Variants in PXK observed in about 807,000 individuals in gnomAD.
PXK encodes the protein PX domain containing serine/threonine kinase like.
PXK carries 35 observed loss-of-function variants against 84.7 expected under a neutral mutation model. The observed-to-expected ratio is 0.41, with a 90% CI of 0.32 to 0.55. PXK has a LOEUF of 0.55. Among genes scored for constraint, PXK ranks in the 20% least tolerant of loss-of-function variants. The pLI is 0.21. For synonymous variants in PXK, 253 were observed against 260.8 expected (o/e 0.97, Z 0.29); for missense variants, 634 against 699.7 (o/e 0.91, Z 1.06).
intron 1 of PXK, among the ~76,000 whole-genome samples, chr3:58,340,118 GA>G (rs1297969218): frequency 7.6e-6 from 1 of 131,216 alleles, no homozygotes; most frequent in Non-Finnish European, 1.6e-5. Context: ...GCGCCTGGCC[GA>G]TTTTTTTTTT....
intron 16 of PXK, 87 bp downstream of exon 16, chr3:58,410,246 T>C: frequency 1.0e-6 from 1 of 988,296 alleles, no homozygotes; most frequent in Non-Finnish European, 1.6e-6. Context: ...TGAGTTCTGC[T>C]GGCCAGAAAC....
intron 1 of PXK, among the ~76,000 whole-genome samples, chr3:58,337,074 C>CGCAG (rs1559834436): frequency 6.6e-6 from 1 of 151,614 alleles, no homozygotes; most frequent in East Asian, 1.9e-4. Context: ...GCTCCTAAGG[C>CGCAG]GCAGGGATTA....
Position 58,351,515 on chromosome 3 carries a change from C to A in PXK, c.103-14359C>A, listed in dbSNP as rs138357822. Reference sequence around the variant, plus strand: ...GGCTCATGCAATCCACCTGCCTCATCCTCCCAAAGTGCTGAGATTACAGGT... The same window carrying A: ...GGCTCATGCAATCCACCTGCCTCATACTCCCAAAGTGCTGAGATTACAGGT... On this transcript the variant is annotated intron_variant, in intron 1 of 17. Coordinates refer to ENST00000356151, the MANE Select transcript of PXK (RefSeq NM_017771.5). Among the ~76,000 whole-genome samples, 8 of 152,050 alleles carry A rather than the reference C, an allele frequency of 5.3e-5. No homozygotes were observed. The East Asian group carries it at 1.6e-3, about 29-fold the overall frequency.
chr3:58,383,450 T>G lies in PXK; in HGVS notation c.388+750T>G, dbSNP rs1047551328. ...TACAATATGTTGTGTGTTCTGTTTT[T>G]TCTGGGAATTTACTTTAAACACAGC... On this transcript the variant is annotated intron_variant, in intron 4 of 17. Transcript: ENST00000356151. The surrounding 1 kb of genome is among the most constrained non-coding windows in gnomAD (Gnocchi z 4.0). Among the ~76,000 whole-genome samples, 3 of 152,208 alleles carry G rather than the reference T, an allele frequency of 2.0e-5. No homozygotes were observed. Among genetic ancestry groups the G allele is most frequent in the Non-Finnish European group, 2.9e-5 (2 of 68,030 alleles).
intron 3 of PXK, among the ~76,000 whole-genome samples, chr3:58,381,228 G>A (rs1379543282): frequency 7.3e-6 from 1 of 137,514 alleles, no homozygotes; most frequent in Non-Finnish European, 1.5e-5. Context: ...CAGCCTAGGC[G>A]ATAGTGCGAG....
rs1560073557 is a variant in PXK, at chr3:58,399,350, C to T, written c.1154C>T (p.Pro385Leu). The change falls in exon 12 of 18, where the codon CCT becomes CTT. Residue 385 changes from proline (P) to leucine (L), a missense_variant. Around this residue, in one of 3 missense-constraint regions of PXK, gnomAD observed 273 missense variants for 283.6 expected, o/e 0.96. Coordinates refer to ENST00000356151, the MANE Select transcript of PXK (RefSeq NM_017771.5). This position sits in a 1 kb window ranked among gnomAD's most constrained non-coding sequence, Gnocchi z 4.3. ...LSCEACKNGM[P>L]TISRLLQMPL... ...TGTGAAGCCTGTAAAAATGGCATGC[C>T]TACCATCTCCCGGCTCTTACAGATG... 4.3e-6 allele frequency: 7 copies of T among 1,614,066 alleles called. No individual in the cohort carries two copies. The highest frequency in any genetic ancestry group is 5.9e-6 in the Non-Finnish European group (7 of 1,179,912).
chr3:58,375,673 T>C (rs1000528306), intron 3 of PXK, among the ~76,000 whole-genome samples: 4 of 152,222 alleles, frequency 2.6e-5, no homozygotes, highest in Admixed American at 6.5e-5. Flanking sequence ...ATCCCAAAGA[T>C]GTACAGGTTA....
At chr3:58,366,031 A>T in intron 2 of PXK, 107 bp downstream of exon 2, 1 of 877,406 alleles carries the variant, frequency 1.1e-6, no homozygotes, top group Non-Finnish European at 1.7e-6. Context: ...AACATGCATA[A>T]ATATAAATCA....
chr3:58,390,496 G>A lies in PXK; in HGVS notation c.389-86G>A, dbSNP rs554139431. On this transcript the variant is annotated intron_variant, in intron 4 of 17. Coordinates refer to ENST00000356151, the MANE Select transcript of PXK (RefSeq NM_017771.5). The surrounding 1 kb of genome is among the most constrained non-coding windows in gnomAD (Gnocchi z 4.2). ...TTTTTTAAAAAGGTCATAGACTATA[G>A]GGATTTCATTTACAAGAATAATATC... 2.3e-5 allele frequency: 21 copies of A among 928,646 alleles called. No homozygotes were observed. In the African/African-American group the frequency reaches 3.1e-4, roughly 14 times the overall value. The allele number at this position is 928,646 out of a possible 1,614,324, so 57.5% of individuals were successfully genotyped here. A position where few individuals can be genotyped will look rare whatever the true frequency, so the allele number is the denominator to read the frequency against.
chr3:58,423,453 A>C (rs1002533307), intron 17 of PXK: 4 of 1,528,988 alleles, frequency 2.6e-6, no homozygotes, highest in South Asian at 2.4e-5. Context: ...GTGATTCTTT[A>C]ATTTCAGCTG....
rs761704352 is a variant in PXK, at chr3:58,424,741, T to G, written c.1529-11T>G. On this transcript the variant is annotated splice_polypyrimidine_tract_variant and intron_variant, in intron 17 of 17. Transcript: ENST00000356151. Reference sequence around the variant, plus strand: ...GAGGTGAATACTGATTGTCCCCCTTTTCCTCCACAGGGATATCTGCATTAC... The same window carrying G: ...GAGGTGAATACTGATTGTCCCCCTTGTCCTCCACAGGGATATCTGCATTAC... 8 of 1,612,224 alleles carry G rather than the reference T, an allele frequency of 5.0e-6. No homozygotes were observed. Among genetic ancestry groups the G allele is most frequent in the Non-Finnish European group, 6.8e-6 (8 of 1,179,636 alleles).
chr3:58,373,326 T>C (rs914064525), intron 3 of PXK, among the ~76,000 whole-genome samples: 7 of 152,030 alleles, frequency 4.6e-5, no homozygotes, highest in Non-Finnish European at 7.4e-5. Context: ...CCGCCCACCT[T>C]GGCCTCCCAA....
intron 17 of PXK, among the ~76,000 whole-genome samples, chr3:58,418,561 T>C (rs995631026): frequency 1.3e-5 from 2 of 152,216 alleles, no homozygotes; most frequent in African/African-American, 4.8e-5. Flanking sequence ...GCTTGAGTCC[T>C]AGCTCTGCCA....
At position 58,400,262 on chromosome 3, in the gene PXK, T is replaced by C. The variant is rs1036442896; in HGVS notation, c.1181+885T>C. ...ATATGTGCTCATTAAGTGTTAGTTA[T>C]GCTTACTACTGAATCAGCTGATCTT... On this transcript the variant is annotated intron_variant, in intron 12 of 17. Coordinates refer to ENST00000356151, the MANE Select transcript of PXK (RefSeq NM_017771.5). This position sits in a 1 kb window ranked among gnomAD's most constrained non-coding sequence, Gnocchi z 4.0. Among the ~76,000 whole-genome samples the C allele has an allele frequency of 6.6e-6, 1 of 152,230 alleles. No individual in the cohort carries two copies. The highest frequency in any genetic ancestry group is 2.4e-5 in the African/African-American group (1 of 41,462).
At chr3:58,378,504 T>TGTGTGTG (rs1168148178) in intron 3 of PXK, among the ~76,000 whole-genome samples, 12 of 72,752 alleles carry the variant, frequency 1.6e-4, no homozygotes, top group African/African-American at 6.0e-4. Flanking sequence ...TTTTTTTTTT[T>TGTGTGTG]TTTTTTTTTG....
Position 58,370,458 on chromosome 3 carries a change from G to A in PXK, c.201+980G>A, listed in dbSNP as rs2098349671. Among the ~76,000 whole-genome samples, 1 of 152,152 alleles carries A rather than the reference G, an allele frequency of 6.6e-6. No individual in the cohort carries two copies. The highest frequency in any genetic ancestry group is 2.4e-5 in the African/African-American group (1 of 41,436). ...TTACTGAAGACTATTGTGCTCTTGT[G>A]TGTCATACTTCAGGTTTGATTGGTA... On this transcript the variant is annotated intron_variant, in intron 3 of 17. Transcript: ENST00000356151. This position sits in a 1 kb window ranked among gnomAD's most constrained non-coding sequence, Gnocchi z 4.2.
At chr3:58,353,952 C>T (rs527893609) in intron 1 of PXK, among the ~76,000 whole-genome samples, 2 of 152,246 alleles carry the variant, frequency 1.3e-5, no homozygotes, top group East Asian at 3.9e-4. Flanking sequence ...AGAGAAGTAG[C>T]GTGGTGGTAG....
At chr3:58,419,307 A>G (rs534223161) in intron 17 of PXK, among the ~76,000 whole-genome samples, 1 of 152,324 alleles carries the variant, frequency 6.6e-6, no homozygotes, top group African/African-American at 2.4e-5. Flanking sequence ...GCTGGAGTGC[A>G]ATGGCTCGAT....
rs764664336 is a variant in PXK at position 58,332,971 on chromosome 3, G to T, written c.-18G>T. ...TCCTACCTCGCGTCCCTAGGCGGCG[G>T]CGGCCGGGCGTCCCGGGATGGCCTT... On this transcript the variant is annotated 5_prime_UTR_variant, in exon 1 of 18. Coordinates refer to ENST00000356151, the MANE Select transcript of PXK (RefSeq NM_017771.5). This position sits in a 1 kb window ranked among gnomAD's most constrained non-coding sequence, Gnocchi z 5.6. The T allele has an allele frequency of 1.0e-5, 14 of 1,349,176 alleles. 1 individual carries two copies. The Admixed American group carries it at 3.7e-4, about 36-fold the overall frequency. 83.6% of individuals were successfully genotyped at this position (1,349,176 alleles called of 1,614,324 possible).
Sources: gnomAD v4.1 joint callset for allele counts (sites outside exome capture counted in the v4.1 genomes callset) on GRCh38, gnomAD v4.1.1 for gene constraint, gnomAD v4.1.1 regional missense constraint, Gnocchi (gnomAD v3.1) non-coding constraint, MANE v1.5 for transcripts, NCBI Gene and HGNC (gene_info 2026-07-23, HGNC 2026-07-21) for gene names.